Variants in JAK2 observed in about 807,000 individuals in gnomAD.
The protein encoded by JAK2 is tyrosine-protein kinase JAK2.
Under a neutral mutation model 139.3 loss-of-function variants are expected in JAK2, and 86 were observed. The ratio of observed to expected loss-of-function variants is 0.62; its 90% CI spans 0.52 to 0.74. The LOEUF (loss-of-function observed/expected upper bound fraction) is 0.74, where lower values mean the gene tolerates loss of function less well. Ranked by LOEUF, JAK2 falls within the 30% of genes least tolerant of loss-of-function variation. The probability of loss-of-function intolerance (pLI) is 0.00; values close to 1 mark genes in which losing one functional copy is unlikely to be tolerated. For synonymous variants in JAK2, 490 were observed against 437.7 expected, an observed-to-expected ratio of 1.12 and a Z score of -1.49; for missense variants, 1,421 against 1,360.3, an observed-to-expected ratio of 1.04 and a Z score of -0.70.
chr9:5,091,011 G>GTGAA, intron 22 of JAK2, 100 bp downstream of exon 22: 1 of 900,186 alleles, frequency 1.1e-6, no homozygotes, highest in East Asian at 2.6e-5. Context: ...TACAGTAACA[G>GTGAA]TGAACATTTA....
chr9:5,090,585 G>A lies in JAK2; in HGVS notation c.2886+15G>A, dbSNP rs1563994557. ...AGATATGCAAGGTAACTAATATCCT[G>A]ATTATTTGCTGTAGATGAAGCAACC... On this transcript the variant is annotated intron_variant, in intron 21 of 24. Coordinates refer to ENST00000381652, the MANE Select transcript of JAK2 (RefSeq NM_004972.4). The A allele has an allele frequency of 6.4e-7, 1 of 1,554,340 alleles. No individual in the cohort carries two copies. The highest frequency in any genetic ancestry group is 1.4e-5 in the African/African-American group (1 of 72,460).
chr9:5,079,323 T>C (rs2130598343), intron 16 of JAK2, among the ~76,000 whole-genome samples: 1 of 152,336 alleles, frequency 6.6e-6, no homozygotes, highest in Non-Finnish European at 1.5e-5. Flanking sequence ...AAAGTAGGGT[T>C]ATATTGCTTC....
chr9:5,112,665 A>G, intron 22 of JAK2: 1 of 957,870 alleles, frequency 1.0e-6, no homozygotes, highest in Non-Finnish European at 1.5e-6. Flanking sequence ...CTTATCCTGC[A>G]CCAGGCCGTC....
intron 2 of JAK2, among the ~76,000 whole-genome samples, chr9:5,017,358 CTG>C (rs1822134453): frequency 6.6e-6 from 1 of 152,176 alleles, no homozygotes; most frequent in Admixed American, 6.6e-5. Context: ...TGGGCACAAA[CTG>C]ATAAAATTCT....
intron 9 of JAK2, among the ~76,000 whole-genome samples, chr9:5,065,787 G>A (rs776168716): frequency 1.7e-4 from 26 of 152,040 alleles, no homozygotes; most frequent in South Asian, 4.2e-4. Flanking sequence ...TGAATAACTC[G>A]AGCAAAGGGA....
rs1204987873 is a variant in JAK2 at position 5,048,523 on chromosome 9, T to C, written c.469-2163T>C. ...TTGATCATCTTCTACTTAAACAGTA[T>C]AACTTACTTGCCTGTTCTCAAAAGT... On this transcript the variant is annotated intron_variant, in intron 5 of 24. Coordinates refer to ENST00000381652, the MANE Select transcript of JAK2 (RefSeq NM_004972.4). Among the ~76,000 whole-genome samples the C allele has an allele frequency of 2.6e-5, 4 of 152,180 alleles. 1 individual carries two copies. Among genetic ancestry groups the C allele is most frequent in the Admixed American group, 2.6e-4 (4 of 15,282 alleles).
At chr9:4,995,412 C>G (rs903331126) in intron 2 of JAK2, among the ~76,000 whole-genome samples, 5 of 152,164 alleles carry the variant, frequency 3.3e-5, no homozygotes, top group African/African-American at 1.2e-4. Flanking sequence ...CCCTTGTTTT[C>G]TTGTTCCATC....
intron 23 of JAK2, 62 bp from the exon 24 acceptor site, chr9:5,126,271 T>A: frequency 1.6e-6 from 2 of 1,214,834 alleles, no homozygotes; most frequent in Middle Eastern, 2.0e-4. Flanking sequence ...CTGGAGGAAA[T>A]TGAGAAAGAA....
At chr9:5,077,303 G>C (rs2130581176) in intron 14 of JAK2, 150 bp from the exon 15 acceptor site, 1 of 269,170 alleles carries the variant, frequency 3.7e-6, no homozygotes, top group Non-Finnish European at 7.1e-6. Context: ...ATAATGCTGT[G>C]TATCCATTAA....
intron 8 of JAK2, among the ~76,000 whole-genome samples, chr9:5,062,293 C>T (rs915244954): frequency 6.6e-6 from 1 of 151,736 alleles, no homozygotes; most frequent in Non-Finnish European, 1.5e-5. Flanking sequence ...TAACTAATCC[C>T]CCTTGTATTC....
At chr9:5,111,225 C>CG in intron 22 of JAK2, 1 of 311,860 alleles carries the variant, frequency 3.2e-6, no homozygotes, top group Non-Finnish European at 5.7e-6. Flanking sequence ...GCAGCTAGCG[C>CG]GGGCCTATTC....
chr9:5,032,967 G>C (rs1235708402), intron 4 of JAK2, among the ~76,000 whole-genome samples: 1 of 152,122 alleles, frequency 6.6e-6, no homozygotes, highest in African/African-American at 2.4e-5. Context: ...GAGGAAGTTT[G>C]AACTCATGGC....
chr9:5,068,292 C>T (rs760707660), intron 10 of JAK2, among the ~76,000 whole-genome samples: 15 of 151,736 alleles, frequency 9.9e-5, no homozygotes, highest in Non-Finnish European at 5.9e-5. Flanking sequence ...ATAAAATGCA[C>T]CTTAAAAATA....
rs2130607992 is a variant in JAK2, at chr9:5,080,582, C to T, written c.2333C>T (p.Ala778Val). Residue 778 changes from alanine (A) to valine (V), a missense_variant, in exon 18 of 25, where the codon GCA becomes GTA. Coordinates refer to ENST00000381652, the MANE Select transcript of JAK2 (RefSeq NM_004972.4). ...CATCAGCTTCCTGCACCAAAGTGGG[C>T]AGAATTAGCAAACCTTATAAATAAT... ...DRHQLPAPKW[A>V]ELANLINNCM... 6.2e-7 allele frequency: 1 copy of T among 1,603,972 alleles called. No individual in the cohort carries two copies. Among genetic ancestry groups the T allele is most frequent in the Non-Finnish European group, 8.5e-7 (1 of 1,177,358 alleles).
intron 23 of JAK2, 90 bp from the exon 24 acceptor site, chr9:5,126,243 T>G (rs1823986250): frequency 1.1e-5 from 9 of 837,168 alleles, no homozygotes; most frequent in Non-Finnish European, 1.7e-5. Context: ...ACACATATAC[T>G]AAATTTTTTC....
chr9:4,994,348 T>C (rs1820439067), intron 2 of JAK2, among the ~76,000 whole-genome samples: 3 of 152,182 alleles, frequency 2.0e-5, no homozygotes, highest in South Asian at 4.1e-4. Context: ...CTGGTTCTTA[T>C]CAGAATTACC....
chr9:5,024,701 C>T (rs1822665982), intron 3 of JAK2, among the ~76,000 whole-genome samples: 1 of 152,118 alleles, frequency 6.6e-6, no homozygotes, highest in South Asian at 2.1e-4. Flanking sequence ...CAGATAGCAA[C>T]AGCTTGTTCA....
intron 22 of JAK2, among the ~76,000 whole-genome samples, chr9:5,103,971 A>C (rs2130762420): frequency 6.6e-6 from 1 of 152,338 alleles, no homozygotes; most frequent in South Asian, 2.1e-4. Context: ...AGCAGGAAAG[A>C]GCTAAAATCG....
chr9:5,081,712 T>G lies in JAK2; in HGVS notation c.2435-13T>G. Reference sequence around the variant, plus strand: ...TTGCTAATTTAAGGTGATAATATTCTTTATTTCTCCAGATTATGAACTATT... The same window carrying G: ...TTGCTAATTTAAGGTGATAATATTCGTTATTTCTCCAGATTATGAACTATT... On this transcript the variant is annotated splice_polypyrimidine_tract_variant and intron_variant, in intron 18 of 24. Coordinates refer to ENST00000381652, the MANE Select transcript of JAK2 (RefSeq NM_004972.4). 6.4e-7 allele frequency: 1 copy of G among 1,567,712 alleles called. No individual in the cohort carries two copies. The highest frequency in any genetic ancestry group is 8.8e-7 in the Non-Finnish European group (1 of 1,138,968).
Sources: allele counts gnomAD v4.1 joint callset (sites outside exome capture counted in the v4.1 genomes callset), GRCh38; gene constraint gnomAD v4.1.1; transcripts MANE v1.5; gene names NCBI Gene and HGNC (gene_info 2026-07-23, HGNC 2026-07-21).